Variants in KIAA1958 observed in about 807,000 individuals in gnomAD.
KIAA1958 encodes the protein KIAA1958.
In KIAA1958, 14 loss-of-function variants were observed where a neutral mutation model predicts 47.2. The ratio of observed to expected loss-of-function variants is 0.30; its 90% CI spans 0.20 to 0.46. KIAA1958 has a LOEUF of 0.46. Ranked by LOEUF, KIAA1958 falls within the 20% of genes least tolerant of loss-of-function variation. The pLI, the probability that KIAA1958 is intolerant of heterozygous loss-of-function variation, is 1.00. For synonymous variants in KIAA1958, 354 were observed against 353.3 expected (o/e 1.00, Z -0.02); for missense variants, 803 against 909.2 (o/e 0.88, Z 1.50).
At chr9:112,603,583 C>G (rs943990806) in intron 2 of KIAA1958, among the ~76,000 whole-genome samples, 8 of 152,208 alleles carry the variant, frequency 5.3e-5, no homozygotes, top group African/African-American at 1.9e-4. Flanking sequence ...TCTCCTCTCC[C>G]TCTTTCTGAA....
rs1837314765 is a variant in KIAA1958 at position 112,663,670 on chromosome 9, T to C, written c.*3601T>C. The C allele has an allele frequency of 2.0e-5, 3 of 152,140 alleles. No homozygotes were observed. Among genetic ancestry groups the C allele is most frequent in the Admixed American group, 2.0e-4 (3 of 15,264 alleles). 9.4% of individuals were successfully genotyped at this position (152,140 alleles called of 1,614,324 possible). A position where few individuals can be genotyped will look rare whatever the true frequency, so the allele number is the denominator to read the frequency against. On this transcript the variant is annotated 3_prime_UTR_variant, in exon 4 of 4. Coordinates refer to ENST00000337530, the MANE Select transcript of KIAA1958 (RefSeq NM_133465.4). ...GAAGGTTTTTCCATTGTTTAGTGTG[T>C]TTGCAAAAAGGAATTTTATGGAAGT... is the stretch of plus-strand genomic sequence containing the variant.
At chr9:112,516,722 G>A (rs1834441977) in intron 1 of KIAA1958, among the ~76,000 whole-genome samples, 1 of 152,216 alleles carries the variant, frequency 6.6e-6, no homozygotes, top group South Asian at 2.1e-4. Context: ...CAGTAATCAA[G>A]ACAGTGTGCT....
At chr9:112,500,171 A>G (rs1834110579) in intron 1 of KIAA1958, among the ~76,000 whole-genome samples, 1 of 151,936 alleles carries the variant, frequency 6.6e-6, no homozygotes, top group Non-Finnish European at 1.5e-5. Context: ...GTGCGAACTC[A>G]GCTCACTGCA....
At chr9:112,518,660 C>T (rs1834482071) in intron 1 of KIAA1958, among the ~76,000 whole-genome samples, 1 of 152,078 alleles carries the variant, frequency 6.6e-6, no homozygotes, top group African/African-American at 2.4e-5. Context: ...GTGATGGTTT[C>T]ATGGCTATTT....
chr9:112,487,612 C>CT (rs923133368), intron 1 of KIAA1958, among the ~76,000 whole-genome samples: 2 of 152,192 alleles, frequency 1.3e-5, no homozygotes, highest in African/African-American at 2.4e-5. Flanking sequence ...CCTCGGGTGG[C>CT]TCGCCGAGGT....
chr9:112,632,333 AAT>A (rs137953550), intron 2 of KIAA1958, among the ~76,000 whole-genome samples: 33 of 149,600 alleles, frequency 2.2e-4, no homozygotes, highest in South Asian at 4.2e-4. Flanking sequence ...ACCACATGTA[AAT>A]ATATATATAT....
intron 2 of KIAA1958, among the ~76,000 whole-genome samples, chr9:112,606,463 A>T (rs112811503): frequency 0.015 from 2,343 of 152,332 alleles, 27 homozygotes; most frequent in Non-Finnish European, 0.023. Flanking sequence ...TAAATGTGTT[A>T]TTAATCACAG....
intron 2 of KIAA1958, among the ~76,000 whole-genome samples, chr9:112,637,843 C>A (rs984417445): frequency 6.6e-6 from 1 of 151,886 alleles, no homozygotes; most frequent in Non-Finnish European, 1.5e-5. Flanking sequence ...TTTCCAGTTT[C>A]TTTTTAAACT....
chr9:112,574,441 G>A lies in KIAA1958; in HGVS notation c.361G>A (p.Asp121Asn). 1.2e-6 allele frequency: 2 copies of A among 1,614,162 alleles called. No homozygotes were observed. The highest frequency in any genetic ancestry group is 2.2e-5 in the South Asian group (2 of 91,066). ...CTGTAACCGGACCAGAGACTCTTGT[G>A]ACTTCTCCTACTGTAGTGAGCCCTC... ...LDCNRTRDSC[D>N]FSYCSEPSEL... Residue 121 changes from aspartate to asparagine, a missense_variant, in exon 2 of 4, where the codon GAC becomes AAC. By Grantham distance (23) the Asp-to-Asn change is conservative. Coordinates refer to ENST00000337530, the MANE Select transcript of KIAA1958 (RefSeq NM_133465.4).
chr9:112,525,573 A>T (rs1834624546), intron 1 of KIAA1958, among the ~76,000 whole-genome samples: 2 of 152,050 alleles, frequency 1.3e-5, no homozygotes, highest in South Asian at 4.2e-4. Flanking sequence ...TGATGCCATT[A>T]CTCCTGCTTT....
At chr9:112,577,312 T>A (rs940205298) in intron 2 of KIAA1958, among the ~76,000 whole-genome samples, 2 of 152,108 alleles carry the variant, frequency 1.3e-5, no homozygotes, top group African/African-American at 4.8e-5. Flanking sequence ...TTCTTTCTTT[T>A]AAAAAATATT....
At chr9:112,607,907 T>A (rs577800523) in intron 2 of KIAA1958, among the ~76,000 whole-genome samples, 5 of 152,266 alleles carry the variant, frequency 3.3e-5, no homozygotes, top group Non-Finnish European at 5.9e-5. Flanking sequence ...GAGTGGAGAA[T>A]TTTGAACCTA....
At chr9:112,537,732 T>G (rs1055648004) in intron 1 of KIAA1958, among the ~76,000 whole-genome samples, 6 of 152,222 alleles carry the variant, frequency 3.9e-5, no homozygotes, top group African/African-American at 1.4e-4. Flanking sequence ...GGAAAATTCT[T>G]TGGCAGTTAT....
At chr9:112,539,948 C>T (rs1384063667) in intron 1 of KIAA1958, among the ~76,000 whole-genome samples, 2 of 152,100 alleles carry the variant, frequency 1.3e-5, no homozygotes, top group East Asian at 3.8e-4. Flanking sequence ...GCCTCAGCTT[C>T]CCAAAGTACT....
At chr9:112,503,083 A>G (rs1056212422) in intron 1 of KIAA1958, among the ~76,000 whole-genome samples, 1 of 152,172 alleles carries the variant, frequency 6.6e-6, no homozygotes, top group African/African-American at 2.4e-5. Context: ...GAGAAGAAAC[A>G]AAATAAATAA....
At chr9:112,557,197 C>T (rs1835257804) in intron 1 of KIAA1958, among the ~76,000 whole-genome samples, 1 of 152,104 alleles carries the variant, frequency 6.6e-6, no homozygotes, top group Admixed American at 6.5e-5. Flanking sequence ...CAGGCTTAAG[C>T]AGTCCTCCCT....
In KIAA1958 at chr9:112,501,960, G is replaced by A. The variant is rs558553683; in HGVS notation, c.-25+14842G>A. Among the ~76,000 whole-genome samples the A allele has an allele frequency of 1.0e-3, 156 of 152,298 alleles. 1 individual carries two copies. The highest frequency in any genetic ancestry group is 3.5e-3 in the African/African-American group (144 of 41,564). ...AACCCTAATAAATAATAGATAAAAC[G>A]TAGAGCAATTTATAGAAGAGAAATG... is the stretch of plus-strand genomic sequence containing the variant. On this transcript the variant is annotated intron_variant, in intron 1 of 3. Coordinates refer to ENST00000337530, the MANE Select transcript of KIAA1958 (RefSeq NM_133465.4).
At chr9:112,644,302 G>A (rs1001634458) in intron 2 of KIAA1958, among the ~76,000 whole-genome samples, 1 of 152,200 alleles carries the variant, frequency 6.6e-6, no homozygotes, top group Non-Finnish European at 1.5e-5. Context: ...GAGACTGGTA[G>A]TTTGGTATAG....
At chr9:112,567,254 C>G (rs1176228710) in intron 1 of KIAA1958, among the ~76,000 whole-genome samples, 1 of 152,158 alleles carries the variant, frequency 6.6e-6, no homozygotes, top group African/African-American at 2.4e-5. Context: ...TAAGAAAAAA[C>G]TCCAACAACA....
Sources: gnomAD v4.1 joint callset for allele counts (sites outside exome capture counted in the v4.1 genomes callset) on GRCh38, gnomAD v4.1.1 for gene constraint, MANE v1.5 for transcripts, NCBI Gene and HGNC (gene_info 2026-07-23, HGNC 2026-07-21) for gene names.